RSU1: variants seen among roughly 807,000 people sequenced by gnomAD.
The protein encoded by RSU1 is Ras suppressor protein 1.
Under a neutral mutation model 31.1 loss-of-function variants are expected in RSU1, and 26 were observed. The observed-to-expected ratio is 0.84, with a 90% CI of 0.61 to 1.16. The LOEUF (loss-of-function observed/expected upper bound fraction) is 1.16. Ranked by LOEUF, RSU1 falls within the 50% of genes most tolerant of loss-of-function variation. The pLI, the probability that RSU1 is intolerant of heterozygous loss-of-function variation, is 0.00. For synonymous variants in RSU1, 164 were observed against 136.3 expected (o/e 1.20, Z -1.41); for missense variants, 320 against 339.1 (o/e 0.94, Z 0.44).
At chr10:16,787,657 T>C (rs1472380408) in intron 2 of RSU1, among the ~76,000 whole-genome samples, 2 of 152,180 alleles carry the variant, frequency 1.3e-5, no homozygotes, top group African/African-American at 4.8e-5. Flanking sequence ...CAGGATGTGA[T>C]GGTTATATAA....
intron 3 of RSU1, among the ~76,000 whole-genome samples, chr10:16,764,903 T>C (rs28500669): frequency 0.15 from 22,832 of 151,992 alleles, 1,820 homozygotes; most frequent in Middle Eastern, 0.21. Context: ...CTTTTGGTTT[T>C]CTTGCATTGC....
At chr10:16,755,977 C>T (rs1162111836) in intron 4 of RSU1, among the ~76,000 whole-genome samples, 1 of 152,214 alleles carries the variant, frequency 6.6e-6, no homozygotes, top group African/African-American at 2.4e-5. Context: ...CAAACCATTA[C>T]AAAATATCTT....
At chr10:16,654,685 A>AC (rs578246280) in intron 8 of RSU1, among the ~76,000 whole-genome samples, 22 of 135,596 alleles carry the variant, frequency 1.6e-4, no homozygotes, top group Middle Eastern at 3.9e-3. Flanking sequence ...AAAAACAAAA[A>AC]AAAAAAAAAA....
intron 8 of RSU1, among the ~76,000 whole-genome samples, chr10:16,668,602 T>G (rs1416688669): frequency 2.0e-5 from 3 of 151,872 alleles, no homozygotes; most frequent in Admixed American, 6.6e-5. Flanking sequence ...TTGAACATGG[T>G]TTTTTTTCCC....
intron 5 of RSU1, among the ~76,000 whole-genome samples, chr10:16,753,594 T>C (rs1434377153): frequency 6.6e-6 from 1 of 152,166 alleles, no homozygotes; most frequent in East Asian, 1.9e-4. Context: ...GCTAAAATAA[T>C]GACATGAAGT....
chr10:16,668,592 T>C (rs1455838886), intron 8 of RSU1, among the ~76,000 whole-genome samples: 1 of 152,176 alleles, frequency 6.6e-6, no homozygotes, highest in Non-Finnish European at 1.5e-5. Context: ...TAGGATTTAA[T>C]TGAACATGGT....
At chr10:16,675,932 G>A (rs1196818085) in intron 8 of RSU1, among the ~76,000 whole-genome samples, 1 of 152,184 alleles carries the variant, frequency 6.6e-6, no homozygotes, top group African/African-American at 2.4e-5. Flanking sequence ...AACAGAATTA[G>A]AGCCTGAGTC....
At chr10:16,797,119 C>T (rs561912179) in intron 2 of RSU1, among the ~76,000 whole-genome samples, 5 of 152,286 alleles carry the variant, frequency 3.3e-5, no homozygotes, top group Admixed American at 3.3e-4. Flanking sequence ...CAAGTCTAGG[C>T]CCTGTGACCT....
intron 7 of RSU1, among the ~76,000 whole-genome samples, chr10:16,736,322 T>A (rs1836626533): frequency 6.6e-6 from 1 of 152,064 alleles, no homozygotes; most frequent in South Asian, 2.1e-4. Flanking sequence ...AGCTAAACAA[T>A]CACTGGAGTT....
At chr10:16,593,764 G>A (rs552065570) in intron 8 of RSU1, among the ~76,000 whole-genome samples, 24 of 152,360 alleles carry the variant, frequency 1.6e-4, no homozygotes, top group South Asian at 6.2e-4. Context: ...CTGCTCAGCC[G>A]TTCTGGACTG....
chr10:16,817,127 C>A (rs374283872), intron 1 of RSU1, 43 bp from the exon 2 acceptor site: 1 of 1,425,256 alleles, frequency 7.0e-7, no homozygotes, highest in Admixed American at 1.7e-5. Context: ...TGACAGCAAG[C>A]GCAGAGGCGG....
chr10:16,666,851 T>C (rs1307851285), intron 8 of RSU1, among the ~76,000 whole-genome samples: 2 of 152,138 alleles, frequency 1.3e-5, no homozygotes, highest in Non-Finnish European at 2.9e-5. Context: ...TATCCAGGCA[T>C]GGTGACGCAT....
At chr10:16,634,855 A>C (rs1834319890) in intron 8 of RSU1, among the ~76,000 whole-genome samples, 1 of 152,256 alleles carries the variant, frequency 6.6e-6, no homozygotes, top group African/African-American at 2.4e-5. Flanking sequence ...CTGACTTTCT[A>C]TAGTGATAGA....
At chr10:16,791,934 G>A (rs1229380334) in intron 2 of RSU1, among the ~76,000 whole-genome samples, 1 of 152,148 alleles carries the variant, frequency 6.6e-6, no homozygotes, top group Admixed American at 6.5e-5. Context: ...GATTCCTTTA[G>A]TAGCACTTCA....
intron 8 of RSU1, among the ~76,000 whole-genome samples, chr10:16,649,039 C>A (rs940926408): frequency 5.3e-5 from 8 of 152,094 alleles, no homozygotes; most frequent in African/African-American, 1.9e-4. Flanking sequence ...AGGAAAAATC[C>A]ATTTAACTAT....
intron 8 of RSU1, among the ~76,000 whole-genome samples, chr10:16,683,413 A>G (rs1835375010): frequency 6.6e-6 from 1 of 152,162 alleles, no homozygotes; most frequent in African/African-American, 2.4e-5. Flanking sequence ...CATGGTATTA[A>G]AAAATAGCCC....
intron 2 of RSU1, among the ~76,000 whole-genome samples, chr10:16,805,415 T>C (rs1311828104): frequency 6.6e-6 from 1 of 152,054 alleles, no homozygotes; most frequent in Non-Finnish European, 1.5e-5. Context: ...CTCACGCCTG[T>C]AATCCGAACA....
chr10:16,661,687 A>AG (rs1206763195), intron 8 of RSU1, among the ~76,000 whole-genome samples: 1 of 152,144 alleles, frequency 6.6e-6, no homozygotes, highest in African/African-American at 2.4e-5. Context: ...ACTTTCTCTG[A>AG]GGGGGTAGCC....
intron 4 of RSU1, among the ~76,000 whole-genome samples, chr10:16,759,458 G>C (rs953320406): frequency 2.0e-5 from 3 of 152,204 alleles, no homozygotes; most frequent in African/African-American, 7.2e-5. Context: ...AGTGAGCGGA[G>C]AGCATGCCAC....
Sources: allele counts gnomAD v4.1 joint callset (sites outside exome capture counted in the v4.1 genomes callset), GRCh38; gene constraint gnomAD v4.1.1; transcripts MANE v1.5; gene names NCBI Gene and HGNC (gene_info 2026-07-23, HGNC 2026-07-21).